The following NME7 variants were observed in gnomAD, a reference collection of about 807,000 sequenced individuals.
NME7 encodes nucleoside diphosphate kinase 7.
NME7 carries 41 observed loss-of-function variants against 49.1 expected under a neutral mutation model. The observed-to-expected ratio is 0.83, with a 90% CI of 0.65 to 1.08. The LOEUF is 1.08. Ranked by LOEUF, NME7 falls within the 50% of genes least tolerant of loss-of-function variation. The probability of loss-of-function intolerance (pLI) is 0.00; values close to 1 mark genes in which losing one functional copy is unlikely to be tolerated. For synonymous variants in NME7, 139 were observed against 150.6 expected (o/e 0.92, Z 0.56); for missense variants, 423 against 463.4 (o/e 0.91, Z 0.80).
intron 9 of NME7, among the ~76,000 whole-genome samples, chr1:169,232,883 CTTTTTTTTCCTTTCTGTTGTTTTCT>C (rs1557999377): frequency 8.4e-6 from 1 of 119,724 alleles, no homozygotes; most frequent in African/African-American, 3.1e-5. Flanking sequence ...CTTTATTTTT[CTTTTTTTTCCTTTCTGTTGTTTTCT>C]TTTCTTTTTT....
intron 7 of NME7, among the ~76,000 whole-genome samples, chr1:169,259,261 T>TACC (rs769854969): frequency 1.5e-5 from 2 of 132,922 alleles, no homozygotes; most frequent in African/African-American, 5.1e-5. Context: ...CTTTCTTCTC[T>TACC]TAGGGGAGAC....
At chr1:169,311,185 G>A (rs988234203) in intron 3 of NME7, among the ~76,000 whole-genome samples, 12 of 152,164 alleles carry the variant, frequency 7.9e-5, no homozygotes, top group African/African-American at 1.2e-4. Context: ...TTGGGAGGCC[G>A]AGGCAGGCGG....
intron 1 of NME7, among the ~76,000 whole-genome samples, chr1:169,325,247 G>A (rs1420946848): frequency 6.6e-6 from 1 of 152,144 alleles, no homozygotes; most frequent in Non-Finnish European, 1.5e-5. Context: ...GGTTCTGTAA[G>A]CCCATCAGGA....
At chr1:169,144,969 A>G (rs1399515506) in intron 11 of NME7, among the ~76,000 whole-genome samples, 2 of 152,220 alleles carry the variant, frequency 1.3e-5, no homozygotes, top group Admixed American at 6.5e-5. Context: ...AACTGAAGGC[A>G]ATACTCAGAA....
rs1306202531 is a variant in NME7 at position 169,278,534 on chromosome 1, C to T, written c.754+8769G>A. On this transcript the variant is annotated intron_variant, in intron 7 of 11. Transcript: ENST00000367811. Reference sequence around the variant, plus strand: ...AGTTCTCGAGCTTTGGCTTTCAGCTCCATCAGCTCCTTTAAGCACTTCTCT... The same window carrying T: ...AGTTCTCGAGCTTTGGCTTTCAGCTTCATCAGCTCCTTTAAGCACTTCTCT... 2.0e-5 allele frequency among the ~76,000 whole-genome samples: 3 copies of T among 152,288 alleles called. No individual in the cohort carries two copies. In the East Asian group the frequency reaches 5.8e-4, roughly 30 times the overall value.
At chr1:169,364,823 A>G (rs1266486694) in intron 1 of NME7, among the ~76,000 whole-genome samples, 2 of 152,218 alleles carry the variant, frequency 1.3e-5, no homozygotes, top group Non-Finnish European at 2.9e-5. Context: ...CAGCCTTGTA[A>G]GACTAATAGA....
chr1:169,277,203 C>T (rs1238628735), intron 7 of NME7, among the ~76,000 whole-genome samples: 34 of 148,700 alleles, frequency 2.3e-4, no homozygotes, highest in African/African-American at 7.9e-4. Flanking sequence ...TCTATTAGGT[C>T]CGCTTGGTGC....
intron 7 of NME7, among the ~76,000 whole-genome samples, chr1:169,250,786 G>C (rs1188773404): frequency 2.6e-5 from 4 of 151,976 alleles, no homozygotes; most frequent in Non-Finnish European, 5.9e-5. Context: ...ATAGTTTTGA[G>C]GGTTACTTTT....
intron 1 of NME7, among the ~76,000 whole-genome samples, chr1:169,360,806 T>C (rs1199793326): frequency 6.6e-6 from 1 of 152,322 alleles, no homozygotes; most frequent in East Asian, 1.9e-4. Flanking sequence ...ATTTTCCTCA[T>C]AGTACTTATC....
Position 169,287,357 on chromosome 1 carries a change from C to T in NME7, c.700G>A (p.Ala234Thr). 6.2e-7 allele frequency: 1 copy of T among 1,609,418 alleles called. No individual in the cohort carries two copies. The highest frequency in any genetic ancestry group is 1.1e-5 in the South Asian group (1 of 89,640). Residue 234 changes from alanine (A) to threonine (T), a missense_variant, in exon 7 of 12, where the codon GCT (alanine) becomes ACT (threonine). By Grantham distance (58) the Ala-to-Thr change is moderately conservative. Transcript: ENST00000367811. Reference sequence around the variant, plus strand: ...CAACAGGTACAATTAGTAAATTTAGCAGTGTTTGCCGGCCCACAACCTCCA... The same window carrying T: ...CAACAGGTACAATTAGTAAATTTAGTAGTGTTTGCCGGCCCACAACCTCCA... ...SSGGCGPANT[A>T]KFTNCTCCIV...
At chr1:169,220,932 C>T (rs779390331) in intron 10 of NME7, among the ~76,000 whole-genome samples, 31 of 152,076 alleles carry the variant, frequency 2.0e-4, no homozygotes, top group Non-Finnish European at 3.2e-4. Flanking sequence ...CTTCTCTAAG[C>T]GTTGTTATGT....
At chr1:169,345,424 G>GTCTCACTA (rs1652920647) in intron 1 of NME7, among the ~76,000 whole-genome samples, 2 of 141,648 alleles carry the variant, frequency 1.4e-5, no homozygotes, top group Admixed American at 7.0e-5. Flanking sequence ...AGATGGGGGG[G>GTCTCACTA]TCTCACTATG....
intron 11 of NME7, among the ~76,000 whole-genome samples, chr1:169,158,022 T>C (rs1396092337): frequency 2.6e-5 from 4 of 152,230 alleles, no homozygotes; most frequent in East Asian, 1.9e-4. Flanking sequence ...ACTATGTTGA[T>C]AGGTTCTTTT....
chr1:169,323,058 A>C (rs1024412243), intron 3 of NME7, 59 bp downstream of exon 3: 2 of 1,366,486 alleles, frequency 1.5e-6, no homozygotes, highest in African/African-American at 1.5e-5. Flanking sequence ...GTCTTGATTC[A>C]GATTGACTTT....
chr1:169,367,003 A>G (rs1047129805), intron 1 of NME7, among the ~76,000 whole-genome samples: 6 of 152,202 alleles, frequency 3.9e-5, no homozygotes, highest in African/African-American at 9.7e-5. Context: ...TCTCAAACAT[A>G]GGGGTGAATT....
chr1:169,208,368 T>A (rs1012093962), intron 10 of NME7, among the ~76,000 whole-genome samples: 1 of 152,136 alleles, frequency 6.6e-6, no homozygotes, highest in Admixed American at 6.6e-5. Flanking sequence ...TAGTGGTTGG[T>A]GGGTTGGCTG....
chr1:169,146,942 G>A (rs1414657133), intron 11 of NME7, among the ~76,000 whole-genome samples: 1 of 152,206 alleles, frequency 6.6e-6, no homozygotes, highest in African/African-American at 2.4e-5. Context: ...AATGGGAGAT[G>A]AGAATTATGT....
chr1:169,287,673 C>G (rs536170061), intron 6 of NME7, among the ~76,000 whole-genome samples: 80 of 152,074 alleles, frequency 5.3e-4, no homozygotes, highest in African/African-American at 1.7e-3. Context: ...ATATAGTGGA[C>G]AAAGATTTAA....
In NME7 at chr1:169,257,269, C is replaced by A. The variant is rs557581536; in HGVS notation, c.755-19582G>T. Among the ~76,000 whole-genome samples, 17 of 134,600 alleles carry A rather than the reference C, an allele frequency of 1.3e-4. 2 individuals carry two copies. Among genetic ancestry groups the A allele is most frequent in the African/African-American group, 3.8e-4 (15 of 39,802 alleles). 88.3% of individuals were successfully genotyped at this position (134,600 alleles called of 152,430 possible). ...AGGTGCGGGATATAATCTCGTGGTG[C>A]GCCATTTTTTAAGCCTGTCAGAAAA... is the stretch of plus-strand genomic sequence containing the variant. On this transcript the variant is annotated intron_variant, in intron 7 of 11. Transcript: ENST00000367811.
Sources: gnomAD v4.1 joint callset for allele counts (sites outside exome capture counted in the v4.1 genomes callset) on GRCh38, gnomAD v4.1.1 for gene constraint, MANE v1.5 for transcripts, NCBI Gene and HGNC (gene_info 2026-07-23, HGNC 2026-07-21) for gene names.